Variants in INTS4 observed in about 807,000 individuals in gnomAD.
The protein encoded by INTS4 is integrator complex subunit 4.
In INTS4, 70 loss-of-function variants were observed where a neutral mutation model predicts 119.5. The ratio of observed to expected loss-of-function variants is 0.59; its 90% CI spans 0.48 to 0.71. INTS4 has a LOEUF of 0.71. INTS4 is among the 30% of genes least tolerant of loss of function. INTS4 has a pLI of 0.00. For missense variants in INTS4, 867 were observed against 1,173.2 expected, an observed-to-expected ratio of 0.74 and a Z score of 3.81; for synonymous variants, 316 against 419.6, an observed-to-expected ratio of 0.75 and a Z score of 3.02.
chr11:77,965,990 T>C (rs1331223134), intron 4 of INTS4, among the ~76,000 whole-genome samples: 1 of 152,192 alleles, frequency 6.6e-6, no homozygotes, highest in Non-Finnish European at 1.5e-5. Flanking sequence ...CTTGTTATTG[T>C]TCATCTTTTT....
At chr11:77,974,586 AGG>A (rs894446610) in intron 4 of INTS4, among the ~76,000 whole-genome samples, 34 of 147,146 alleles carry the variant, frequency 2.3e-4, no homozygotes, top group African/African-American at 8.0e-4. Context: ...TAGTTCTGCC[AGG>A]TCTGTAATCA....
At chr11:77,937,427 A>C (rs1361756170) in intron 10 of INTS4, among the ~76,000 whole-genome samples, 1 of 152,110 alleles carries the variant, frequency 6.6e-6, no homozygotes, top group Admixed American at 6.6e-5. Context: ...TCTCAACAGA[A>C]AACTATGGAG....
intron 4 of INTS4, chr11:77,963,411 A>C (rs1294815090): frequency 2.4e-6 from 1 of 421,756 alleles, no homozygotes; most frequent in Non-Finnish European, 4.6e-6. Context: ...GTTGGATAAA[A>C]ACTTATTAAT....
In INTS4 at chr11:77,994,630, AG is replaced by A. The variant is rs778311220; in HGVS notation, c.13del (p.Lys6ArgfsTer25). 1.9e-6 allele frequency: 3 copies of A among 1,614,056 alleles called. No homozygotes were observed. Among genetic ancestry groups the A allele is most frequent in the Non-Finnish European group, 2.5e-6 (3 of 1,180,032 alleles). ...GAATTCCTCATAAACCCGCTTCTTAAGGTGCGCCGCCATGCCTACCCGCGGG... is the reference window on the plus strand; with the variant it reads ...GAATTCCTCATAAACCCGCTTCTTAAGTGCGCCGCCATGCCTACCCGCGGG... MAAH[L>X]KKRVYEEFTK... On this transcript the variant is annotated frameshift_variant, in exon 1 of 23. Coordinates refer to ENST00000534064, the MANE Select transcript of INTS4 (RefSeq NM_033547.4). LOFTEE classifies it high-confidence loss of function.
chr11:77,973,353 C>T (rs1011750679), intron 4 of INTS4, among the ~76,000 whole-genome samples: 9 of 152,118 alleles, frequency 5.9e-5, no homozygotes, highest in Non-Finnish European at 8.8e-5. Context: ...CCTGTGAATA[C>T]GGGGAGAGAA....
At chr11:77,931,085 AC>A (rs1400659676) in intron 10 of INTS4, among the ~76,000 whole-genome samples, 1 of 152,240 alleles carries the variant, frequency 6.6e-6, no homozygotes, top group East Asian at 1.9e-4. Flanking sequence ...ATGGAAAAGC[AC>A]AGGGAATGTA....
In INTS4 at chr11:77,991,133, C is replaced by T; in HGVS notation, c.221G>A (p.Arg74Lys). The T allele has an allele frequency of 2.5e-6, 4 of 1,614,144 alleles. No individual in the cohort carries two copies. The highest frequency in any genetic ancestry group is 3.4e-6 in the Non-Finnish European group (4 of 1,180,006). ...CTTGTAATAATGTTCCAAGAGAATCCTGACTACTCCCTCTACGCTTTCCGC... is the reference window on the plus strand; with the variant it reads ...CTTGTAATAATGTTCCAAGAGAATCTTGACTACTCCCTCTACGCTTTCCGC... Reference protein sequence around the residue: ...VEAESVEGVVRILLEHYYKEN... With the variant: ...VEAESVEGVVKILLEHYYKEN... The change falls in exon 2 of 23, where the codon AGG becomes AAG. Residue 74 changes from arginine to lysine, a missense_variant. Physicochemically the swap from Arg to Lys is conservative, Grantham distance 26. Around this residue, in one of 5 missense-constraint regions of INTS4, gnomAD observed 224 missense variants for 231.8 expected, o/e 0.97. Coordinates refer to ENST00000534064, the MANE Select transcript of INTS4 (RefSeq NM_033547.4).
intron 7 of INTS4, among the ~76,000 whole-genome samples, chr11:77,956,718 ATAAT>A (rs1565271407): frequency 7.1e-5 from 6 of 84,950 alleles, no homozygotes; most frequent in African/African-American, 1.3e-4. Flanking sequence ...AAAAATAATA[ATAAT>A]AATAATAATA....
intron 4 of INTS4, among the ~76,000 whole-genome samples, chr11:77,974,877 G>C (rs1403114848): frequency 6.6e-6 from 1 of 152,136 alleles, no homozygotes; most frequent in Non-Finnish European, 1.5e-5. Flanking sequence ...TGGGATTACA[G>C]ACATAAGCCA....
At chr11:77,977,198 C>T (rs72941336) in intron 4 of INTS4, among the ~76,000 whole-genome samples, 20,682 of 151,802 alleles carry the variant, frequency 0.14, 1,587 homozygotes, top group East Asian at 0.25. Context: ...ATTTTAAATA[C>T]GGAAAATATT....
intron 6 of INTS4, among the ~76,000 whole-genome samples, chr11:77,959,210 G>A (rs1269136077): frequency 6.6e-6 from 1 of 152,132 alleles, no homozygotes; most frequent in East Asian, 1.9e-4. Flanking sequence ...ACCTTGGTCT[G>A]AAATCACTGG....
chr11:77,958,330 G>C (rs1484005037), intron 7 of INTS4, among the ~76,000 whole-genome samples: 1 of 152,012 alleles, frequency 6.6e-6, no homozygotes, highest in Non-Finnish European at 1.5e-5. Flanking sequence ...TAATTGCTGT[G>C]AAAATATTTT....
At chr11:77,911,463 T>C (rs1238104114) in intron 15 of INTS4, among the ~76,000 whole-genome samples, 2 of 152,216 alleles carry the variant, frequency 1.3e-5, no homozygotes, top group African/African-American at 4.8e-5. Flanking sequence ...ATGACAATTA[T>C]ACAGAATACA....
chr11:77,968,802 A>T (rs1855596774), intron 4 of INTS4, among the ~76,000 whole-genome samples: 1 of 152,224 alleles, frequency 6.6e-6, no homozygotes, highest in Admixed American at 6.5e-5. Context: ...GTATATATCC[A>T]AGAGAACTGA....
intron 1 of INTS4, among the ~76,000 whole-genome samples, chr11:77,991,820 C>T (rs1856700118): frequency 6.6e-6 from 1 of 152,040 alleles, no homozygotes; most frequent in Non-Finnish European, 1.5e-5. Flanking sequence ...TGCAATGGTG[C>T]AATCTTGGCT....
At chr11:77,899,651 C>G (rs907793803) in intron 18 of INTS4, among the ~76,000 whole-genome samples, 2 of 149,430 alleles carry the variant, frequency 1.3e-5, no homozygotes, top group African/African-American at 4.9e-5. Flanking sequence ...GCCTGGGCAA[C>G]AAGAGCGAGA....
Position 77,994,602 on chromosome 11 carries a change from C to A in INTS4, c.42G>T (p.Thr14=). The stretch of plus-strand genomic sequence containing the variant: ...CGCCAGAGCTTACCTGAACCACTTT[C>A]GTGAATTCCTCATAAACCCGCTTCT... ...HLKKRVYEEF[T]KVVQPQEEIA... is the part of the protein sequence containing the mutation. The change falls in exon 1 of 23, where the codon ACG becomes ACT. Residue 14 remains threonine (T), a synonymous_variant. Transcript: ENST00000534064. 6.2e-7 allele frequency: 1 copy of A among 1,613,764 alleles called. No individual in the cohort carries two copies. Among genetic ancestry groups the A allele is most frequent in the Non-Finnish European group, 8.5e-7 (1 of 1,179,616 alleles).
At position 77,894,276 on chromosome 11, in the gene INTS4, TATAAA is replaced by T. The variant is rs1164404572; in HGVS notation, c.2288+9_2288+13del. Reference sequence around the variant, plus strand: ...CCAAGATTTAATAAGCCAGAAGAGTTATAAAATACTTACCTCTGAAAAAAGTCTAC... The same window carrying T: ...CCAAGATTTAATAAGCCAGAAGAGTTATACTTACCTCTGAAAAAAGTCTAC... On this transcript the variant is annotated intron_variant, in intron 19 of 22. Coordinates refer to ENST00000534064, the MANE Select transcript of INTS4 (RefSeq NM_033547.4). The T allele has an allele frequency of 7.1e-7, 1 of 1,407,454 alleles. No homozygotes were observed. Among genetic ancestry groups the T allele is most frequent in the African/African-American group, 1.4e-5 (1 of 70,080 alleles). 87.2% of individuals were successfully genotyped at this position (1,407,454 alleles called of 1,614,324 possible). A position where few individuals can be genotyped will look rare whatever the true frequency, so the allele number is the denominator to read the frequency against.
Position 77,941,266 on chromosome 11 carries a change from A to T in INTS4, c.919-15T>A. The T allele has an allele frequency of 6.3e-7, 1 of 1,596,000 alleles. No individual in the cohort carries two copies. The highest frequency in any genetic ancestry group is 2.2e-5 in the East Asian group (1 of 44,802). On this transcript the variant is annotated splice_polypyrimidine_tract_variant and intron_variant, in intron 8 of 22. Coordinates refer to ENST00000534064, the MANE Select transcript of INTS4 (RefSeq NM_033547.4). ...TCCATAGAGCCCTATAAAAAGAAAA[A>T]TCCAGAGCATATAAAACAACTTTTA... is the stretch of plus-strand genomic sequence containing the variant.
Sources: allele counts gnomAD v4.1 joint callset (sites outside exome capture counted in the v4.1 genomes callset), GRCh38; gene constraint gnomAD v4.1.1; regional missense constraint gnomAD v4.1.1; transcripts MANE v1.5; gene names NCBI Gene and HGNC (gene_info 2026-07-23, HGNC 2026-07-21).